The following FAM193A variants were observed in gnomAD, a reference collection of about 807,000 sequenced individuals.
FAM193A encodes the protein protein FAM193A.
Under a neutral mutation model 126.5 loss-of-function variants are expected in FAM193A, and 22 were observed. That is an observed-to-expected ratio of 0.17 (90% CI 0.12 to 0.25). The LOEUF is 0.25. FAM193A is among the 10% of genes least tolerant of loss of function. FAM193A has a pLI of 1.00. For synonymous variants in FAM193A, 761 were observed against 646.8 expected, an observed-to-expected ratio of 1.18 and a Z score of -2.68; for missense variants, 1,675 against 1,672.8, an observed-to-expected ratio of 1.00 and a Z score of -0.02.
chr4:2,717,197 C>T (rs1719635963), intron 20 of FAM193A, among the ~76,000 whole-genome samples: 1 of 152,106 alleles, frequency 6.6e-6, no homozygotes, highest in Non-Finnish European at 1.5e-5. Context: ...CCAGGCAGGT[C>T]TCAAACTCTT....
intron 12 of FAM193A, among the ~76,000 whole-genome samples, chr4:2,664,556 T>TAC (rs1712872087): frequency 7.3e-6 from 1 of 136,912 alleles, no homozygotes; most frequent in Non-Finnish European, 1.6e-5. Flanking sequence ...TCTATTTTCT[T>TAC]TCTTTTTTTT....
At chr4:2,611,929 C>T (rs568893979) in intron 2 of FAM193A, among the ~76,000 whole-genome samples, 10 of 151,536 alleles carry the variant, frequency 6.6e-5, no homozygotes, top group African/African-American at 1.9e-4. Flanking sequence ...CTCCGCCTCC[C>T]GGGTTCACAC....
Position 2,694,845 on chromosome 4 carries a change from G to T in FAM193A, c.3093-101G>T, listed in dbSNP as rs1716850869. On this transcript the variant is annotated intron_variant, in intron 16 of 20. Transcript: ENST00000637812. Reference sequence around the variant, plus strand: ...CTATGCACCCTCTGCGCTGCCTCTTGTCTGTGAAATGGGCAGGACAGTGGG... The same window carrying T: ...CTATGCACCCTCTGCGCTGCCTCTTTTCTGTGAAATGGGCAGGACAGTGGG... The T allele has an allele frequency of 4.9e-6, 5 of 1,027,292 alleles. No individual in the cohort carries two copies. The African/African-American group carries it at 6.6e-5, about 14-fold the overall frequency. 63.6% of individuals were successfully genotyped at this position (1,027,292 alleles called of 1,614,324 possible). A position where few individuals can be genotyped will look rare whatever the true frequency, so the allele number is the denominator to read the frequency against.
chr4:2,637,315 AGACCCTGTCTCAGTCAATT>A (rs2109018703), intron 5 of FAM193A, among the ~76,000 whole-genome samples: 1 of 152,340 alleles, frequency 6.6e-6, no homozygotes, highest in East Asian at 1.9e-4. Flanking sequence ...CGACAGAGTG[AGACCCTGTCTCAGTCAATT>A]GACCAATCAC....
intron 1 of FAM193A, among the ~76,000 whole-genome samples, chr4:2,579,615 CT>C (rs1739805912): frequency 6.6e-6 from 1 of 152,082 alleles, no homozygotes; most frequent in African/African-American, 2.4e-5. Flanking sequence ...GGAAGGATTG[CT>C]TAAGCTTGGG....
intron 6 of FAM193A, among the ~76,000 whole-genome samples, chr4:2,641,682 A>T (rs1393823859): frequency 1.3e-5 from 2 of 152,098 alleles, no homozygotes; most frequent in Non-Finnish European, 2.9e-5. Context: ...CAAACAAACA[A>T]AAAGAATACG....
Position 2,690,955 on chromosome 4 carries a change from A to C in FAM193A, c.2788A>C (p.Arg930=). 2 of 1,613,188 alleles carry C rather than the reference A, an allele frequency of 1.2e-6. No homozygotes were observed. Among genetic ancestry groups the C allele is most frequent in the Non-Finnish European group, 1.7e-6 (2 of 1,179,316 alleles). The change falls in exon 15 of 21, where the codon AGA becomes CGA. Residue 930 remains arginine, a synonymous_variant. Coordinates refer to ENST00000637812, the MANE Select transcript of FAM193A (RefSeq NM_001366318.2). ...CAGCCAGTTCAGAGTGTCATCCAAG[A>C]GACCTCCTTCAGTAGGTAAGGCTTG... is the stretch of plus-strand genomic sequence containing the variant. ...SNSQFRVSSK[R]PPSVGDVFHG... is the part of the protein sequence containing the mutation.
intron 13 of FAM193A, among the ~76,000 whole-genome samples, chr4:2,684,635 C>A (rs1715522739): frequency 6.6e-6 from 1 of 152,190 alleles, no homozygotes; most frequent in Non-Finnish European, 1.5e-5. Flanking sequence ...GGGTTGGCGT[C>A]TGCTGATGCG....
intron 19 of FAM193A, among the ~76,000 whole-genome samples, chr4:2,701,224 A>G (rs1299566196): frequency 6.7e-6 from 1 of 150,032 alleles, no homozygotes; most frequent in Non-Finnish European, 1.5e-5. Flanking sequence ...ATCCAATGCT[A>G]TTCTCTAATT....
intron 7 of FAM193A, chr4:2,655,222 T>A (rs1310563328): frequency 1.9e-6 from 1 of 524,590 alleles, no homozygotes; most frequent in Non-Finnish European, 3.4e-6. Flanking sequence ...TCTAGTTGAT[T>A]TAGGCTATCA....
At chr4:2,611,191 G>A (rs897578242) in intron 2 of FAM193A, among the ~76,000 whole-genome samples, 5 of 152,134 alleles carry the variant, frequency 3.3e-5, no homozygotes, top group Non-Finnish European at 7.3e-5. Context: ...CTGGATATTG[G>A]CAGTCTTTAC....
rs552939199 is a variant in FAM193A, at chr4:2,626,564, G to A, written c.790G>A (p.Glu264Lys). ...SLVPDKEGVK[E>K]LVDRLCERDP... is the part of the protein sequence containing the mutation. ...GGTGCCTGACAAGGAGGGAGTGAAG[G>A]AGCTCGTGGATAGGTACATACTGCC... The change falls in exon 4 of 21, where the codon GAG becomes AAG. Residue 264 changes from glutamate (E) to lysine (K), a missense_variant. Around this residue, in one of 4 missense-constraint regions of FAM193A, gnomAD observed 1,186 missense variants for 1,109.2 expected, o/e 1.07. Coordinates refer to ENST00000637812, the MANE Select transcript of FAM193A (RefSeq NM_001366318.2). 220 of 701,032 alleles carry A rather than the reference G, an allele frequency of 3.1e-4. No individual in the cohort carries two copies. Among genetic ancestry groups the A allele is most frequent in the Non-Finnish European group, 4.3e-4 (167 of 384,296 alleles). The allele number at this position is 701,032 out of a possible 1,614,324, so 43.4% of individuals were successfully genotyped here.
At chr4:2,678,213 T>A (rs1388014844) in intron 13 of FAM193A, among the ~76,000 whole-genome samples, 1 of 152,148 alleles carries the variant, frequency 6.6e-6, no homozygotes, top group Non-Finnish European at 1.5e-5. Context: ...CCCAATCTCC[T>A]GAACTCATGA....
chr4:2,671,698 G>GTAACCGGAAGTC, intron 12 of FAM193A, among the ~76,000 whole-genome samples: 1 of 152,332 alleles, frequency 6.6e-6, no homozygotes, highest in South Asian at 2.1e-4. Context: ...TCACTCCACC[G>GTAACCGGAAGTC]TAACCGGAAG....
chr4:2,603,600 G>T (rs1246546867), intron 2 of FAM193A, among the ~76,000 whole-genome samples: 1 of 150,930 alleles, frequency 6.6e-6, no homozygotes, highest in Non-Finnish European at 1.5e-5. Context: ...GGGACTACGG[G>T]TGCATGCCAC....
In FAM193A at chr4:2,596,346, A is replaced by G; in HGVS notation, c.501+17A>G. 1.4e-6 allele frequency: 1 copy of G among 699,782 alleles called. No homozygotes were observed. Among genetic ancestry groups the G allele is most frequent in the Non-Finnish European group, 2.6e-6 (1 of 383,254 alleles). The allele number at this position is 699,782 out of a possible 1,614,324, so 43.3% of individuals were successfully genotyped here. On this transcript the variant is annotated intron_variant, in intron 2 of 20. Transcript: ENST00000637812. ...CAGCCAGTGGTGAGTGGCTGCCAGC[A>G]CAGGCAGCGCAGGGCGTTGGCTCCC... is the stretch of plus-strand genomic sequence containing the variant.
In FAM193A at chr4:2,643,385, T is replaced by C. The variant is rs1276839420; in HGVS notation, c.1164-3300T>C. Among the ~76,000 whole-genome samples, 7 of 152,192 alleles carry C rather than the reference T, an allele frequency of 4.6e-5. 1 individual carries two copies. Among genetic ancestry groups the C allele is most frequent in the Middle Eastern group, 6.3e-3 (2 of 316 alleles). ...CTTAAAATGTACAATTCAATGACTT[T>C]TGATATATTTCATTTTTTAAAAATT... On this transcript the variant is annotated intron_variant, in intron 6 of 20. Transcript: ENST00000637812.
At chr4:2,728,238 AT>A (rs58609064) in intron 20 of FAM193A, among the ~76,000 whole-genome samples, 3,405 of 82,030 alleles carry the variant, frequency 0.042, 138 homozygotes, top group African/African-American at 0.15. Flanking sequence ...ACCCGGCCCA[AT>A]TTTTTTTTTT....
intron 20 of FAM193A, among the ~76,000 whole-genome samples, chr4:2,720,737 A>G (rs1472163677): frequency 6.6e-6 from 1 of 152,230 alleles, no homozygotes; most frequent in Non-Finnish European, 1.5e-5. Context: ...TAATAGCACC[A>G]AAATCTCTCA....
Sources: gnomAD v4.1 joint callset for allele counts (sites outside exome capture counted in the v4.1 genomes callset) on GRCh38, gnomAD v4.1.1 for gene constraint, gnomAD v4.1.1 regional missense constraint, MANE v1.5 for transcripts, NCBI Gene and HGNC (gene_info 2026-07-23, HGNC 2026-07-21) for gene names.